CTNNA2: variants seen among roughly 807,000 people sequenced by gnomAD.
CTNNA2 encodes the protein catenin alpha-2.
A neutral mutation model predicts 101.0 loss-of-function variants in CTNNA2; 42 were observed. The ratio of observed to expected loss-of-function variants is 0.42; its 90% CI spans 0.32 to 0.54. CTNNA2 has a LOEUF of 0.54. Among genes scored for constraint, CTNNA2 ranks in the 20% least tolerant of loss-of-function variants. CTNNA2 has a pLI of 0.14. For synonymous variants in CTNNA2, 450 were observed against 456.4 expected (o/e 0.99, Z 0.18); for missense variants, 871 against 1,223.1 (o/e 0.71, Z 4.29).
At chr2:80,096,248 C>T (rs905933656) in intron 7 of CTNNA2, among the ~76,000 whole-genome samples, 1 of 152,188 alleles carries the variant, frequency 6.6e-6, no homozygotes, top group Non-Finnish European at 1.5e-5. Context: ...TTTCTGCCTT[C>T]ATTTTGTTAC....
intron 9 of CTNNA2, among the ~76,000 whole-genome samples, chr2:80,456,179 G>T (rs929012745): frequency 2.6e-5 from 4 of 152,188 alleles, no homozygotes; most frequent in African/African-American, 9.6e-5. Flanking sequence ...CCAGAAGCTG[G>T]ACACCTGAGC....
At chr2:79,835,683 T>TTTTTGTTTGTTTGTTTG (rs1679297397) in intron 3 of CTNNA2, among the ~76,000 whole-genome samples, 7 of 129,670 alleles carry the variant, frequency 5.4e-5, no homozygotes, top group African/African-American at 2.2e-4. Flanking sequence ...TTTTTTTTTT[T>TTTTTGTTTGTTTGTTTG]TTTTTTTTTT....
chr2:80,142,587 C>T (rs1438376069), intron 7 of CTNNA2, among the ~76,000 whole-genome samples: 1 of 152,152 alleles, frequency 6.6e-6, no homozygotes, highest in Non-Finnish European at 1.5e-5. Flanking sequence ...CTCTGAAATA[C>T]CCTGTGTGTA....
chr2:79,980,453 A>G lies in CTNNA2; in HGVS notation c.1056+70656A>G, dbSNP rs376112070. Among the ~76,000 whole-genome samples the G allele has an allele frequency of 1.5e-4, 23 of 152,258 alleles. No homozygotes were observed. The East Asian group carries it at 3.5e-3, about 23-fold the overall frequency. On this transcript the variant is annotated intron_variant, in intron 7 of 18. Coordinates refer to ENST00000402739, the MANE Select transcript of CTNNA2 (RefSeq NM_001282597.3). ...AATATTTTTAACTCCAAAGCCCTCTAATTGCAAAAATTAGGCTCTTAGTGA... is the reference window on the plus strand; with the variant it reads ...AATATTTTTAACTCCAAAGCCCTCTGATTGCAAAAATTAGGCTCTTAGTGA...
chr2:80,483,368 T>TTATATA (rs10635965), intron 9 of CTNNA2, among the ~76,000 whole-genome samples: 5,136 of 146,006 alleles, frequency 0.035, 178 homozygotes, highest in African/African-American at 0.088. Flanking sequence ...TGTTGTTGTT[T>TTATATA]TATATATATA....
intron 5 of CTNNA2, chr2:79,505,277 C>G (rs1671387820): frequency 6.6e-6 from 1 of 152,142 alleles, no homozygotes; most frequent in African/African-American, 2.4e-5. Context: ...TTCTTCTTCA[C>G]TCTCCCAACT....
Position 80,108,731 on chromosome 2 carries a change from C to T in CTNNA2, c.1056+198934C>T, listed in dbSNP as rs552138045. Among the ~76,000 whole-genome samples the T allele has an allele frequency of 5.3e-5, 8 of 152,266 alleles. No individual in the cohort carries two copies. The South Asian group carries it at 1.2e-3, about 24-fold the overall frequency. On this transcript the variant is annotated intron_variant, in intron 7 of 18. Transcript: ENST00000402739. ...GGCAAGCAGCTTTCCCAAGGTCATC[C>T]GGTGGTTTATGGCAGAAAGACACCT... is the stretch of plus-strand genomic sequence containing the variant.
At chr2:80,380,771 A>C (rs993518118) in intron 7 of CTNNA2, among the ~76,000 whole-genome samples, 3 of 152,144 alleles carry the variant, frequency 2.0e-5, no homozygotes, top group African/African-American at 7.2e-5. Context: ...GTATGACTGG[A>C]TGTAATATGC....
intron 7 of CTNNA2, among the ~76,000 whole-genome samples, chr2:80,216,918 T>A (rs553648072): frequency 6.6e-6 from 1 of 151,014 alleles, no homozygotes; most frequent in Admixed American, 6.6e-5. Context: ...GCTTACTGCA[T>A]CTTGTGCCTC....
At chr2:79,748,348 T>C (rs1671781970) in intron 3 of CTNNA2, among the ~76,000 whole-genome samples, 6 of 152,190 alleles carry the variant, frequency 3.9e-5, no homozygotes, top group Admixed American at 3.9e-4. Flanking sequence ...AGAAATCTGT[T>C]TTCCAATATG....
chr2:79,915,652 C>T (rs1686148570), intron 7 of CTNNA2, among the ~76,000 whole-genome samples: 1 of 152,182 alleles, frequency 6.6e-6, no homozygotes, highest in African/African-American at 2.4e-5. Flanking sequence ...CACAGCTTTA[C>T]AGTTTCTGTG....
intron 7 of CTNNA2, among the ~76,000 whole-genome samples, chr2:80,200,498 A>G (rs1707129255): frequency 1.3e-5 from 2 of 151,120 alleles, no homozygotes; most frequent in African/African-American, 4.9e-5. Flanking sequence ...ATATAAACCT[A>G]TGCATGGACA....
chr2:79,871,399 CA>C (rs1286220475), intron 5 of CTNNA2, among the ~76,000 whole-genome samples: 17 of 152,092 alleles, frequency 1.1e-4, no homozygotes, highest in Admixed American at 2.6e-4. Context: ...TAAACAGGAA[CA>C]AAGTTACTCT....
At chr2:79,705,050 A>G (rs7587882) in intron 2 of CTNNA2, among the ~76,000 whole-genome samples, 102,651 of 151,940 alleles carry the variant, frequency 0.68, 35,180 homozygotes, top group East Asian at 0.93. Context: ...TTGACGCTAC[A>G]TCTGGGTGGG....
intron 7 of CTNNA2, among the ~76,000 whole-genome samples, chr2:80,197,065 A>T (rs977603702): frequency 3.3e-5 from 5 of 152,128 alleles, no homozygotes; most frequent in Non-Finnish European, 5.9e-5. Context: ...GGTAATACCT[A>T]CCCATCTTTC....
chr2:79,733,487 G>GGT (rs374329390), intron 2 of CTNNA2, among the ~76,000 whole-genome samples: 122 of 151,420 alleles, frequency 8.1e-4, no homozygotes, highest in Non-Finnish European at 2.1e-4. Flanking sequence ...TCTGTGCATA[G>GGT]GTGTGTGTGT....
At chr2:80,569,957 T>C (rs947076136) in intron 12 of CTNNA2, among the ~76,000 whole-genome samples, 8 of 152,046 alleles carry the variant, frequency 5.3e-5, no homozygotes, top group Non-Finnish European at 8.8e-5. Flanking sequence ...TTTTTAGACA[T>C]TACCAAAGTA....
intron 3 of CTNNA2, among the ~76,000 whole-genome samples, chr2:79,345,917 C>T (rs1409133099): frequency 2.0e-5 from 3 of 146,350 alleles, no homozygotes; most frequent in African/African-American, 7.6e-5. Flanking sequence ...CCAGGCTGGT[C>T]TCGAACTCCT....
intron 3 of CTNNA2, among the ~76,000 whole-genome samples, chr2:79,359,625 A>C (rs1677582525): frequency 6.6e-6 from 1 of 152,224 alleles, no homozygotes; most frequent in African/African-American, 2.4e-5. Flanking sequence ...ATAGATATGC[A>C]GAGGATTAGG....
Sources: allele counts gnomAD v4.1 joint callset (sites outside exome capture counted in the v4.1 genomes callset), GRCh38; gene constraint gnomAD v4.1.1; transcripts MANE v1.5; gene names NCBI Gene and HGNC (gene_info 2026-07-23, HGNC 2026-07-21).